CNTNAP2: variants seen among roughly 807,000 people sequenced by gnomAD.
CNTNAP2 encodes contactin associated protein 2, also known as contactin-associated protein-like 2.
In CNTNAP2, 98 loss-of-function variants were observed where a neutral mutation model predicts 155.2. The ratio of observed to expected loss-of-function variants is 0.63; its 90% CI spans 0.54 to 0.75. The LOEUF is 0.75. Among genes scored for constraint, CNTNAP2 ranks in the 30% least tolerant of loss-of-function variants. The pLI is 0.00. For synonymous variants in CNTNAP2, 651 were observed against 631.2 expected (o/e 1.03, Z -0.47); for missense variants, 1,727 against 1,688.1 (o/e 1.02, Z -0.40).
intron 14 of CNTNAP2, among the ~76,000 whole-genome samples, chr7:147,958,221 T>C (rs1443723537): frequency 6.6e-6 from 1 of 152,202 alleles, no homozygotes; most frequent in African/African-American, 2.4e-5. Flanking sequence ...AATGGTTTGT[T>C]TCCTTTATCC....
intron 4 of CNTNAP2, among the ~76,000 whole-genome samples, chr7:147,092,912 C>T (rs1188240437): frequency 1.3e-5 from 2 of 152,034 alleles, no homozygotes; most frequent in Non-Finnish European, 2.9e-5. Context: ...CTAAATGGCA[C>T]GTCCATGCTG....
chr7:147,251,446 G>A (rs966196069), intron 8 of CNTNAP2, among the ~76,000 whole-genome samples: 3 of 152,156 alleles, frequency 2.0e-5, no homozygotes, highest in Non-Finnish European at 4.4e-5. Flanking sequence ...AGGTAGGTAG[G>A]TAGGTAGGTA....
intron 15 of CNTNAP2, among the ~76,000 whole-genome samples, chr7:148,045,753 C>A (rs1329141504): frequency 2.6e-5 from 4 of 152,184 alleles, no homozygotes; most frequent in African/African-American, 9.7e-5. Flanking sequence ...GGGAAATAAA[C>A]CAATTACACA....
intron 2 of CNTNAP2, among the ~76,000 whole-genome samples, chr7:146,834,757 C>T (rs1047415913): frequency 6.6e-5 from 10 of 152,132 alleles, no homozygotes; most frequent in African/African-American, 1.7e-4. Context: ...TCCTCTTTGA[C>T]GTCCAACCAC....
intron 13 of CNTNAP2, among the ~76,000 whole-genome samples, chr7:147,738,410 G>A (rs1361336237): frequency 7.9e-6 from 1 of 127,082 alleles, no homozygotes; most frequent in African/African-American, 2.5e-5. Flanking sequence ...CATCATTGTT[G>A]CCTTATTTTA....
At chr7:148,095,725 A>C (rs1803951630) in intron 15 of CNTNAP2, among the ~76,000 whole-genome samples, 1 of 152,242 alleles carries the variant, frequency 6.6e-6, no homozygotes, top group Admixed American at 6.5e-5. Context: ...GGGAAAAATA[A>C]TATGAAGAAA....
At chr7:148,154,874 T>A (rs1337700474) in intron 17 of CNTNAP2, among the ~76,000 whole-genome samples, 1 of 150,948 alleles carries the variant, frequency 6.6e-6, no homozygotes, top group African/African-American at 2.4e-5. Flanking sequence ...TGGGCAGAGG[T>A]CACAGTGAGC....
At chr7:146,995,707 C>T (rs1287732410) in intron 3 of CNTNAP2, among the ~76,000 whole-genome samples, 2 of 151,972 alleles carry the variant, frequency 1.3e-5, no homozygotes, top group Non-Finnish European at 2.9e-5. Context: ...GTTTCTTATA[C>T]ATTTTGAATA....
chr7:147,251,434 A>ATAGATAGG (rs1804195179), intron 8 of CNTNAP2, among the ~76,000 whole-genome samples: 3 of 150,818 alleles, frequency 2.0e-5, no homozygotes, highest in Admixed American at 1.3e-4. Context: ...GTCAAAACAG[A>ATAGATAGG]TAGGTAGGTA....
At chr7:147,347,461 T>TATATATATATTC (rs1322128631) in intron 9 of CNTNAP2, among the ~76,000 whole-genome samples, 1 of 62,552 alleles carries the variant, frequency 1.6e-5, no homozygotes, top group Non-Finnish European at 3.5e-5. Context: ...TATATGCATA[T>TATATATATATTC]ATATATATAT....
intron 13 of CNTNAP2, among the ~76,000 whole-genome samples, chr7:147,682,332 T>A (rs1795958513): frequency 6.6e-6 from 1 of 151,930 alleles, no homozygotes; most frequent in African/African-American, 2.4e-5. Flanking sequence ...CCTAGCATCT[T>A]ACCCATAAAT....
At chr7:146,714,162 A>G (rs1356128788) in intron 1 of CNTNAP2, among the ~76,000 whole-genome samples, 2 of 152,056 alleles carry the variant, frequency 1.3e-5, no homozygotes, top group Non-Finnish European at 2.9e-5. Flanking sequence ...GATCATGGCT[A>G]TTCACTCCTC....
intron 12 of CNTNAP2, among the ~76,000 whole-genome samples, chr7:147,574,882 G>A (rs1330753449): frequency 6.6e-6 from 1 of 152,086 alleles, no homozygotes; most frequent in Non-Finnish European, 1.5e-5. Flanking sequence ...AGGAGACCTA[G>A]GGATCTACTA....
intron 1 of CNTNAP2, among the ~76,000 whole-genome samples, chr7:146,631,513 G>T (rs541503961): frequency 9.2e-5 from 14 of 152,194 alleles, no homozygotes; most frequent in South Asian, 2.1e-4. Flanking sequence ...CCATGTGAGA[G>T]CCTTCTGAGT....
At chr7:147,077,587 A>C (rs1483199687) in intron 4 of CNTNAP2, among the ~76,000 whole-genome samples, 2 of 152,190 alleles carry the variant, frequency 1.3e-5, no homozygotes, top group African/African-American at 4.8e-5. Flanking sequence ...CACCAAATAC[A>C]TAAATAATGT....
rs369351927 is a variant in CNTNAP2 at position 147,852,235 on chromosome 7, C to G, written c.2099-51330C>G. ...TCTCGCCGCACTTATCACAAACACTCTTAGTTATAGCCCCACAACCTTAAT... is the reference window on the plus strand; with the variant it reads ...TCTCGCCGCACTTATCACAAACACTGTTAGTTATAGCCCCACAACCTTAAT... On this transcript the variant is annotated intron_variant, in intron 13 of 23. Coordinates refer to ENST00000361727, the MANE Select transcript of CNTNAP2 (RefSeq NM_014141.6). 3.2e-4 allele frequency among the ~76,000 whole-genome samples: 49 copies of G among 152,324 alleles called. 1 individual carries two copies. Among genetic ancestry groups the G allele is most frequent in the African/African-American group, 1.0e-3 (42 of 41,584 alleles).
chr7:148,105,107 C>T (rs965502051), intron 15 of CNTNAP2, among the ~76,000 whole-genome samples: 1 of 152,142 alleles, frequency 6.6e-6, no homozygotes, highest in Non-Finnish European at 1.5e-5. Flanking sequence ...AGGAGAGGAA[C>T]ACATGAAAGT....
chr7:148,371,165 A>C (rs1281101224), intron 21 of CNTNAP2, among the ~76,000 whole-genome samples: 4 of 152,156 alleles, frequency 2.6e-5, no homozygotes, highest in African/African-American at 9.7e-5. Flanking sequence ...TAATTAACAA[A>C]AATACCAGAG....
At chr7:146,754,542 C>G (rs1238370818) in intron 1 of CNTNAP2, among the ~76,000 whole-genome samples, 2 of 137,980 alleles carry the variant, frequency 1.4e-5, no homozygotes, top group Non-Finnish European at 1.5e-5. Context: ...GAGTCTCTCT[C>G]TCTCTCTCTC....
Sources: allele counts gnomAD v4.1 joint callset (sites outside exome capture counted in the v4.1 genomes callset), GRCh38; gene constraint gnomAD v4.1.1; transcripts MANE v1.5; gene names NCBI Gene and HGNC (gene_info 2026-07-23, HGNC 2026-07-21).